APBA2: variants seen among roughly 807,000 people sequenced by gnomAD.
APBA2 encodes amyloid beta precursor protein binding family A member 2.
Under a neutral mutation model 75.0 loss-of-function variants are expected in APBA2, and 30 were observed. That is an observed-to-expected ratio of 0.40 (90% CI 0.30 to 0.54). The LOEUF (loss-of-function observed/expected upper bound fraction) is 0.54, where lower values mean the gene tolerates loss of function less well. Ranked by LOEUF, APBA2 falls within the 20% of genes least tolerant of loss-of-function variation. The probability of loss-of-function intolerance (pLI) is 0.49; values close to 1 mark genes in which losing one functional copy is unlikely to be tolerated. For missense variants in APBA2, 801 were observed against 1,016.1 expected (o/e 0.79, Z 2.88); for synonymous variants, 444 against 409.6 (o/e 1.08, Z -1.01).
At chr15:29,107,824 C>T (rs1192873781) in intron 12 of APBA2, among the ~76,000 whole-genome samples, 1 of 152,218 alleles carries the variant, frequency 6.6e-6, no homozygotes, top group East Asian at 1.9e-4. Flanking sequence ...CCCTGCCCTG[C>T]AGGAGGTCCG....
intron 4 of APBA2, among the ~76,000 whole-genome samples, chr15:29,062,298 C>A (rs993568858): frequency 3.9e-5 from 6 of 152,176 alleles, no homozygotes; most frequent in African/African-American, 1.4e-4. Flanking sequence ...GCTCCTGTGT[C>A]CCCTGTCGTC....
intron 1 of APBA2, among the ~76,000 whole-genome samples, chr15:28,893,054 G>A (rs2032240567): frequency 6.6e-6 from 1 of 152,240 alleles, no homozygotes; most frequent in Non-Finnish European, 1.5e-5. Context: ...GGAGCTGGTG[G>A]CAGCTGTCAC....
At chr15:28,899,445 G>A (rs374387799) in intron 1 of APBA2, among the ~76,000 whole-genome samples, 1 of 152,240 alleles carries the variant, frequency 6.6e-6, no homozygotes, top group African/African-American at 2.4e-5. Context: ...TGTTGACCTC[G>A]TAACCACTCA....
rs2152664670 is a variant in APBA2, at chr15:28,918,580, G to A, written c.-204-3060G>A. Among the ~76,000 whole-genome samples the A allele has an allele frequency of 7.0e-6, 1 of 143,864 alleles. No individual in the cohort carries two copies. The allele number at this position is 143,864 out of a possible 152,430, so 94.4% of individuals were successfully genotyped here. A position where few individuals can be genotyped will look rare whatever the true frequency, so the allele number is the denominator to read the frequency against. On this transcript the variant is annotated intron_variant, in intron 1 of 14. Coordinates refer to ENST00000683413, the MANE Select transcript of APBA2 (RefSeq NM_001353788.2). This position sits in a 1 kb window ranked among gnomAD's most constrained non-coding sequence, Gnocchi z 4.2. ...GCGTCATTGTGGGAACACTCGGGCG[G>A]GATGTATTTTAAAGGAGTGCCTGAT...
chr15:29,045,926 C>T (rs559976646), intron 3 of APBA2, among the ~76,000 whole-genome samples: 7 of 152,256 alleles, frequency 4.6e-5, no homozygotes, highest in Middle Eastern at 3.4e-3. Flanking sequence ...GTCATATCTC[C>T]GGCTCTCTCC....
intron 3 of APBA2, among the ~76,000 whole-genome samples, chr15:29,007,577 A>C (rs912380711): frequency 6.6e-6 from 1 of 152,216 alleles, no homozygotes; most frequent in Non-Finnish European, 1.5e-5. Flanking sequence ...GCTTGAATAA[A>C]CATTTCTCCA....
intron 2 of APBA2, among the ~76,000 whole-genome samples, chr15:28,925,687 G>A (rs1170925189): frequency 6.6e-6 from 1 of 152,168 alleles, no homozygotes. Flanking sequence ...CAATTCTGTT[G>A]AGTTGATTTA....
In APBA2 at chr15:29,020,282, GTT is replaced by G. The variant is rs57525831; in HGVS notation, c.-41+24487_-41+24488del. Among the ~76,000 whole-genome samples the G allele has an allele frequency of 2.2e-3, 309 of 140,490 alleles. 2 individuals are homozygous for G. Among genetic ancestry groups the G allele is most frequent in the Middle Eastern group, 7.8e-3 (2 of 258 alleles). The allele number at this position is 140,490 out of a possible 152,430, so 92.2% of individuals were successfully genotyped here. On this transcript the variant is annotated intron_variant, in intron 3 of 14. Transcript: ENST00000683413. ...CAGTCTGTTGTCTTCTGTTTTAGGT[GTT>G]TTTTTTTTTTCTCATCCAGGTTTAA...
intron 2 of APBA2, among the ~76,000 whole-genome samples, chr15:28,946,917 A>G (rs1251825819): frequency 2.6e-5 from 4 of 152,204 alleles, no homozygotes; most frequent in Non-Finnish European, 5.9e-5. Context: ...GTAAGAGAGC[A>G]AGTTGGTGTT....
intron 10 of APBA2, among the ~76,000 whole-genome samples, chr15:29,104,232 T>G (rs1026979909): frequency 1.3e-5 from 2 of 152,206 alleles, no homozygotes; most frequent in African/African-American, 4.8e-5. Context: ...GGGGCGCCCG[T>G]GCAGGACCCC....
At chr15:29,045,365 C>T (rs2041270265) in intron 3 of APBA2, among the ~76,000 whole-genome samples, 2 of 151,282 alleles carry the variant, frequency 1.3e-5, no homozygotes, top group African/African-American at 4.9e-5. Flanking sequence ...GTTGGGATTA[C>T]AGGCATGAGC....
At chr15:29,008,795 A>G (rs1288621805) in intron 3 of APBA2, among the ~76,000 whole-genome samples, 4 of 152,210 alleles carry the variant, frequency 2.6e-5, no homozygotes, top group South Asian at 2.1e-4. Flanking sequence ...ACCCACAGTC[A>G]TTCGTGCCCC....
chr15:28,916,861 A>G (rs1490701619), intron 1 of APBA2, among the ~76,000 whole-genome samples: 2 of 152,320 alleles, frequency 1.3e-5, no homozygotes, highest in African/African-American at 4.8e-5. Context: ...GATTGCGGCA[A>G]TGAAAATCTT....
intron 4 of APBA2, among the ~76,000 whole-genome samples, chr15:29,064,727 GAC>G (rs1266541547): frequency 6.6e-6 from 1 of 152,176 alleles, no homozygotes; most frequent in Non-Finnish European, 1.5e-5. Flanking sequence ...ATGAGAGAGA[GAC>G]AGAGGGTTCC....
intron 2 of APBA2, among the ~76,000 whole-genome samples, chr15:28,985,935 G>GTGGC (rs2037901346): frequency 6.6e-6 from 1 of 152,224 alleles, no homozygotes; most frequent in Admixed American, 6.5e-5. Flanking sequence ...GGCGGAGCAG[G>GTGGC]TGGCTGCCCT....
chr15:29,045,772 C>T (rs980541394), intron 3 of APBA2, among the ~76,000 whole-genome samples: 75 of 152,294 alleles, frequency 4.9e-4, no homozygotes, highest in Middle Eastern at 3.4e-3. Context: ...GGCATCCATT[C>T]CTCTCTATAT....
chr15:29,025,768 G>T (rs929369690), intron 3 of APBA2, among the ~76,000 whole-genome samples: 1 of 151,798 alleles, frequency 6.6e-6, no homozygotes, highest in African/African-American at 2.4e-5. Flanking sequence ...GCTGGCCACC[G>T]TGGTGAAACC....
chr15:28,988,277 T>G (rs1195623645), intron 2 of APBA2, among the ~76,000 whole-genome samples: 1 of 151,954 alleles, frequency 6.6e-6, no homozygotes, highest in East Asian at 1.9e-4. Context: ...CCTTTTTTTT[T>G]TTTTGAGATG....
intron 2 of APBA2, among the ~76,000 whole-genome samples, chr15:28,930,627 G>A (rs1243947635): frequency 1.3e-5 from 2 of 152,186 alleles, no homozygotes; most frequent in East Asian, 3.9e-4. Context: ...GGAGTGTTCC[G>A]AGGGATGGAG....
Sources: gnomAD v4.1 joint callset for allele counts (sites outside exome capture counted in the v4.1 genomes callset) on GRCh38, gnomAD v4.1.1 for gene constraint, Gnocchi (gnomAD v3.1) non-coding constraint, MANE v1.5 for transcripts, NCBI Gene and HGNC (gene_info 2026-07-23, HGNC 2026-07-21) for gene names.